The following IL1RAPL1 variants were observed in gnomAD, a reference collection of about 807,000 sequenced individuals.
IL1RAPL1 encodes interleukin-1 receptor accessory protein-like 1.
In IL1RAPL1, 3 loss-of-function variants were observed where a neutral mutation model predicts 48.4. The ratio of observed to expected loss-of-function variants is 0.06; its 90% confidence interval spans 0.03 to 0.16. The LOEUF (loss-of-function observed/expected upper bound fraction) is 0.16, where lower values mean the gene tolerates loss of function less well. Ranked by LOEUF, IL1RAPL1 falls within the 10% of genes least tolerant of loss-of-function variation. IL1RAPL1 has a pLI of 1.00. For synonymous variants in IL1RAPL1, 185 were observed against 187.7 expected (o/e 0.99, Z 0.12); for missense variants, 349 against 530.6 (o/e 0.66, Z 3.36).
chrX:29,309,702 A>G (rs1932679935), intron 3 of IL1RAPL1, among the ~76,000 whole-genome samples: 1 of 109,914 alleles, frequency 9.1e-6, no homozygotes. Flanking sequence ...AACCCCGGCC[A>G]CTCGGGAGGC....
intron 2 of IL1RAPL1, among the ~76,000 whole-genome samples, chrX:29,081,029 CTTTTCTTTTCT>C (rs1569232932): frequency 2.4e-3 from 100 of 41,481 alleles, no homozygotes; most frequent in Non-Finnish European, 3.6e-3. Context: ...TCTTTCTTTT[CTTTTCTTTTCT>C]TTTCTTTTCT....
intron 2 of IL1RAPL1, among the ~76,000 whole-genome samples, chrX:29,004,522 A>G (rs1427740173): frequency 8.9e-6 from 1 of 112,392 alleles, no homozygotes; most frequent in African/African-American, 3.2e-5. Flanking sequence ...TGTGAACATT[A>G]GTAGAAAATA....
intron 1 of IL1RAPL1, among the ~76,000 whole-genome samples, chrX:28,657,958 C>A (rs895698904): frequency 1.8e-5 from 2 of 112,172 alleles, no homozygotes; most frequent in Admixed American, 9.4e-5. Context: ...TAAAATGTAT[C>A]TACTCCTTTA....
intron 2 of IL1RAPL1, among the ~76,000 whole-genome samples, chrX:29,006,941 T>G: frequency 9.0e-6 from 1 of 111,245 alleles, no homozygotes; most frequent in Admixed American, 9.7e-5. Flanking sequence ...AGAAGGCCAT[T>G]AATTTTGCTG....
At chrX:29,261,597 T>G (rs1292685274) in intron 2 of IL1RAPL1, among the ~76,000 whole-genome samples, 3 of 110,863 alleles carry the variant, frequency 2.7e-5, no homozygotes, top group Non-Finnish European at 5.7e-5. Flanking sequence ...TTGCAGTGGT[T>G]TCCATCACAT....
At chrX:29,573,591 G>T (rs907010442) in intron 5 of IL1RAPL1, among the ~76,000 whole-genome samples, 2 of 111,996 alleles carry the variant, frequency 1.8e-5, no homozygotes, top group African/African-American at 6.5e-5. Context: ...TGAGTTTTTT[G>T]AAAGATTTAC....
intron 2 of IL1RAPL1, among the ~76,000 whole-genome samples, chrX:28,978,720 C>G (rs1601991386): frequency 2.7e-5 from 3 of 111,945 alleles, no homozygotes; most frequent in African/African-American, 6.5e-5. Flanking sequence ...TGAGAGTGAA[C>G]AGTGAATGAG....
At chrX:29,173,216 A>C (rs1929942749) in intron 2 of IL1RAPL1, among the ~76,000 whole-genome samples, 2 of 111,565 alleles carry the variant, frequency 1.8e-5, no homozygotes, top group South Asian at 7.5e-4. Flanking sequence ...TTTTATTCAG[A>C]TGCCTTGTAC....
At chrX:29,341,414 C>T (rs1933072932) in intron 3 of IL1RAPL1, among the ~76,000 whole-genome samples, 1 of 111,691 alleles carries the variant, frequency 9.0e-6, no homozygotes, top group South Asian at 3.7e-4. Flanking sequence ...CATTTGCATA[C>T]TAAAAATATA....
chrX:29,836,412 A>T (rs1032179233), intron 6 of IL1RAPL1, among the ~76,000 whole-genome samples: 10 of 110,954 alleles, frequency 9.0e-5, no homozygotes, highest in Non-Finnish European at 1.7e-4. Context: ...TATGGTCTCG[A>T]TCTCCTGACC....
chrX:28,924,382 A>T (rs748656833), intron 2 of IL1RAPL1, among the ~76,000 whole-genome samples: 1 of 112,321 alleles, frequency 8.9e-6, no homozygotes, highest in East Asian at 2.8e-4. Context: ...ATCCATAAAG[A>T]AAACAATTCA....
At chrX:29,540,226 T>C (rs1006476554) in intron 5 of IL1RAPL1, among the ~76,000 whole-genome samples, 1 of 107,848 alleles carries the variant, frequency 9.3e-6, no homozygotes, top group Non-Finnish European at 1.9e-5. Context: ...ACCAAGAAGA[T>C]GAAAGATCTC....
chrX:29,808,481 C>T (rs1212862137), intron 6 of IL1RAPL1, among the ~76,000 whole-genome samples: 1 of 111,469 alleles, frequency 9.0e-6, no homozygotes, highest in Non-Finnish European at 1.9e-5. Context: ...TAATTTCCAT[C>T]ACCGCTCCAT....
chrX:28,982,289 G>A lies in IL1RAPL1; in HGVS notation c.82+192864G>A, dbSNP rs772616127. Among the ~76,000 whole-genome samples the A allele has an allele frequency of 6.2e-5, 7 of 112,219 alleles. No homozygotes were observed. In the Admixed American group the frequency reaches 6.6e-4, roughly 11 times the overall value. ...CATTAGGTCATCTGGGCAGCTTGCTGTAATCATCTGTGAGAAAGCTCCTCT... is the reference window on the plus strand; with the variant it reads ...CATTAGGTCATCTGGGCAGCTTGCTATAATCATCTGTGAGAAAGCTCCTCT... On this transcript the variant is annotated intron_variant, in intron 2 of 10. Transcript: ENST00000378993.
chrX:29,366,716 C>T (rs183600826), intron 3 of IL1RAPL1, among the ~76,000 whole-genome samples: 2 of 107,545 alleles, frequency 1.9e-5, no homozygotes, highest in East Asian at 5.8e-4. Context: ...CTACAGGTAC[C>T]CGGCACCACG....
chrX:29,400,405 T>C (rs1236041824), intron 5 of IL1RAPL1, among the ~76,000 whole-genome samples: 1 of 112,297 alleles, frequency 8.9e-6, no homozygotes, highest in Admixed American at 9.5e-5. Flanking sequence ...TCCATGAAAA[T>C]TGCATTCATA....
chrX:29,236,496 C>T (rs190783852), intron 2 of IL1RAPL1, among the ~76,000 whole-genome samples: 238 of 90,682 alleles, frequency 2.6e-3, no homozygotes, highest in African/African-American at 9.5e-3. Flanking sequence ...AGGCTGTATT[C>T]TTCTATTCCT....
chrX:28,713,217 C>A (rs1217914257), intron 1 of IL1RAPL1, among the ~76,000 whole-genome samples: 1 of 109,884 alleles, frequency 9.1e-6, no homozygotes, highest in Non-Finnish European at 1.9e-5. Flanking sequence ...CCATGCCCAG[C>A]TAATTTTTTT....
At chrX:29,006,098 A>C (rs775708406) in intron 2 of IL1RAPL1, among the ~76,000 whole-genome samples, 3 of 111,629 alleles carry the variant, frequency 2.7e-5, no homozygotes, top group African/African-American at 6.5e-5. Flanking sequence ...TAAAGAATGC[A>C]TCAATGGGCT....
Sources: gnomAD v4.1 joint callset for allele counts (sites outside exome capture counted in the v4.1 genomes callset) on GRCh38, gnomAD v4.1.1 for gene constraint, MANE v1.5 for transcripts, NCBI Gene and HGNC (gene_info 2026-07-23, HGNC 2026-07-21) for gene names.